The following COLEC12 variants were observed in gnomAD, a reference collection of about 807,000 sequenced individuals.
COLEC12 encodes collectin subfamily member 12, also known as collectin-12.
In COLEC12, 33 loss-of-function variants were observed where a neutral mutation model predicts 71.1. The observed-to-expected ratio is 0.46, with a 90% CI of 0.35 to 0.62. COLEC12 has a LOEUF of 0.62. Among genes scored for constraint, COLEC12 ranks in the 20% least tolerant of loss-of-function variants. The probability of loss-of-function intolerance (pLI) is 0.00; values close to 1 mark genes in which losing one functional copy is unlikely to be tolerated. For synonymous variants in COLEC12, 350 were observed against 353.0 expected, an observed-to-expected ratio of 0.99 and a Z score of 0.10; for missense variants, 765 against 916.1, an observed-to-expected ratio of 0.84 and a Z score of 2.13.
intron 2 of COLEC12, among the ~76,000 whole-genome samples, chr18:404,160 T>C (rs945299007): frequency 1.9e-4 from 29 of 152,236 alleles, no homozygotes; most frequent in African/African-American, 6.0e-4. Flanking sequence ...GTGACTTCTT[T>C]TGATCTCTTG....
intron 3 of COLEC12, 106 bp downstream of exon 3, chr18:357,294 A>G: frequency 1.9e-6 from 2 of 1,064,094 alleles, no homozygotes; most frequent in East Asian, 2.5e-5. Context: ...TTTGCATCTG[A>G]GTTGTATGAA....
chr18:359,352 A>G (rs139347391), intron 2 of COLEC12, among the ~76,000 whole-genome samples: 3 of 152,256 alleles, frequency 2.0e-5, no homozygotes, highest in Non-Finnish European at 2.9e-5. Flanking sequence ...GTAATGTATT[A>G]TAACCTATGG....
At position 318,799 on chromosome 18, in the gene COLEC12, GTTCTT is replaced by G. The variant is rs1417661326; in HGVS notation, c.*1241_*1245del. ...TGAGCCACTGCGCCCGGCTGGAAAG[GTTCTT>G]TTAAGAGTTCCACAAAGTGGCCAAA... On this transcript the variant is annotated 3_prime_UTR_variant, in exon 10 of 10. Coordinates refer to ENST00000400256, the MANE Select transcript of COLEC12 (RefSeq NM_130386.3). 6.6e-6 allele frequency: 1 copy of G among 152,168 alleles called. No individual in the cohort carries two copies. Among genetic ancestry groups the G allele is most frequent in the Non-Finnish European group, 1.5e-5 (1 of 68,026 alleles). The allele number at this position is 152,168 out of a possible 1,614,324, so 9.4% of individuals were successfully genotyped here.
intron 5 of COLEC12, among the ~76,000 whole-genome samples, chr18:339,473 G>C (rs1461603292): frequency 2.6e-5 from 4 of 152,192 alleles, no homozygotes; most frequent in African/African-American, 9.7e-5. Context: ...TAAATATCGG[G>C]GGGAAATGCA....
At chr18:436,532 G>T (rs916419430) in intron 2 of COLEC12, among the ~76,000 whole-genome samples, 19 of 141,848 alleles carry the variant, frequency 1.3e-4, no homozygotes, top group South Asian at 4.9e-4. Flanking sequence ...AAAAGGGGGG[G>T]GGGGGGGAAA....
intron 3 of COLEC12, among the ~76,000 whole-genome samples, chr18:354,778 T>C (rs1914594589): frequency 6.6e-6 from 1 of 152,114 alleles, no homozygotes; most frequent in South Asian, 2.1e-4. Flanking sequence ...AGTGGAGGCC[T>C]GAAGGAGGGG....
chr18:415,201 T>C (rs749264165), intron 2 of COLEC12, among the ~76,000 whole-genome samples: 3 of 152,242 alleles, frequency 2.0e-5, no homozygotes, highest in Non-Finnish European at 2.9e-5. Flanking sequence ...CTGTGTGATG[T>C]GGGAATTAAT....
chr18:407,027 C>A (rs1214847943), intron 2 of COLEC12, among the ~76,000 whole-genome samples: 1 of 152,244 alleles, frequency 6.6e-6, no homozygotes, highest in African/African-American at 2.4e-5. Flanking sequence ...GATCTCACAG[C>A]TGCTTCTGCT....
intron 4 of COLEC12, among the ~76,000 whole-genome samples, chr18:347,682 G>C (rs984042081): frequency 6.6e-6 from 1 of 152,034 alleles, no homozygotes. Flanking sequence ...AAAAATCAAG[G>C]AATAGAATAT....
At position 486,732 on chromosome 18, in the gene COLEC12, T is replaced by C. The variant is rs532500544; in HGVS notation, c.8-5975A>G. Among the ~76,000 whole-genome samples the C allele has an allele frequency of 3.9e-5, 6 of 152,260 alleles. No homozygotes were observed. The East Asian group carries it at 1.2e-3, about 29-fold the overall frequency. On this transcript the variant is annotated intron_variant, in intron 1 of 9. Coordinates refer to ENST00000400256, the MANE Select transcript of COLEC12 (RefSeq NM_130386.3). Reference sequence around the variant, plus strand: ...GCAGAATCCTGAACAGGTTTAGGAATTTGGGAATAAAGGTGAGGCTAAAAT... The same window carrying C: ...GCAGAATCCTGAACAGGTTTAGGAACTTGGGAATAAAGGTGAGGCTAAAAT...
rs1913566886 is a variant in COLEC12, at chr18:317,155, G to A, written c.*2890C>T. 1 of 152,274 alleles carries A rather than the reference G, an allele frequency of 6.6e-6. No individual in the cohort carries two copies. 9.4% of individuals were successfully genotyped at this position (152,274 alleles called of 1,614,324 possible). A position where few individuals can be genotyped will look rare whatever the true frequency, so the allele number is the denominator to read the frequency against. On this transcript the variant is annotated 3_prime_UTR_variant, in exon 10 of 10. Transcript: ENST00000400256. ...GCGGGAGAGTCGCTTGAACCTGGGA[G>A]GCAGAGATTGCAGTGAGCCGAGATC...
intron 2 of COLEC12, among the ~76,000 whole-genome samples, chr18:372,520 C>T (rs1462699663): frequency 6.6e-6 from 1 of 152,090 alleles, no homozygotes; most frequent in African/African-American, 2.4e-5. Context: ...TGGGCTCAAG[C>T]AATTCTCCCA....
intron 2 of COLEC12, among the ~76,000 whole-genome samples, chr18:384,766 T>C (rs1354646674): frequency 6.6e-6 from 1 of 152,194 alleles, no homozygotes; most frequent in African/African-American, 2.4e-5. Flanking sequence ...GCTCAATGGT[T>C]TGTCATGGAC....
intron 2 of COLEC12, among the ~76,000 whole-genome samples, chr18:363,610 G>A (rs1288266324): frequency 5.9e-5 from 9 of 152,030 alleles, no homozygotes; most frequent in Non-Finnish European, 8.8e-5. Context: ...ACAGTAAAAC[G>A]GATGATTCAA....
intron 2 of COLEC12, among the ~76,000 whole-genome samples, chr18:476,761 G>A (rs1007522273): frequency 1.1e-4 from 16 of 152,276 alleles, no homozygotes; most frequent in Middle Eastern, 3.4e-3. Flanking sequence ...TATCACTTTC[G>A]TGGTAGTACA....
At chr18:449,010 C>T (rs772609441) in intron 2 of COLEC12, among the ~76,000 whole-genome samples, 4 of 151,984 alleles carry the variant, frequency 2.6e-5, no homozygotes, top group East Asian at 3.9e-4. Context: ...TGACACCCAG[C>T]GGGGAAAGGG....
At chr18:457,495 A>G (rs1916896101) in intron 2 of COLEC12, among the ~76,000 whole-genome samples, 2 of 152,202 alleles carry the variant, frequency 1.3e-5, no homozygotes, top group African/African-American at 4.8e-5. Context: ...ATTGAAGCAA[A>G]GCACACATAT....
intron 1 of COLEC12, among the ~76,000 whole-genome samples, chr18:488,971 G>A (rs1917571528): frequency 6.6e-6 from 1 of 152,168 alleles, no homozygotes; most frequent in Admixed American, 6.5e-5. Flanking sequence ...GGGAAGCACT[G>A]GAGGAGTAAG....
intron 2 of COLEC12, among the ~76,000 whole-genome samples, chr18:380,766 G>A (rs1598345395): frequency 6.6e-6 from 1 of 152,136 alleles, no homozygotes; most frequent in African/African-American, 2.4e-5. Context: ...TGAAATTTGG[G>A]AATGTCTTTA....
Sources: gnomAD v4.1 joint callset for allele counts (sites outside exome capture counted in the v4.1 genomes callset) on GRCh38, gnomAD v4.1.1 for gene constraint, MANE v1.5 for transcripts, NCBI Gene and HGNC (gene_info 2026-07-23, HGNC 2026-07-21) for gene names.